PPFIA2: variants seen among roughly 807,000 people sequenced by gnomAD.
PPFIA2 encodes the protein liprin-alpha-2.
PPFIA2 carries 46 observed loss-of-function variants against 175.5 expected under a neutral mutation model. That is an observed-to-expected ratio of 0.26 (90% CI 0.21 to 0.34). PPFIA2 has a LOEUF of 0.34. Ranked by LOEUF, PPFIA2 falls within the 10% of genes least tolerant of loss-of-function variation. The pLI, the probability that PPFIA2 is intolerant of heterozygous loss-of-function variation, is 1.00. For missense variants in PPFIA2, 1,179 were observed against 1,506.1 expected (o/e 0.78, Z 3.60); for synonymous variants, 568 against 511.4 (o/e 1.11, Z -1.49).
chr12:81,674,561 G>A (rs1323797676), intron 4 of PPFIA2, among the ~76,000 whole-genome samples: 3 of 152,042 alleles, frequency 2.0e-5, no homozygotes, highest in Admixed American at 6.6e-5. Flanking sequence ...TCAGCTACTC[G>A]CTAGGCTGAA....
intron 4 of PPFIA2, among the ~76,000 whole-genome samples, chr12:81,542,215 ATGAGACCATGCAAGC>A (rs2066331537): frequency 6.6e-6 from 1 of 152,016 alleles, no homozygotes; most frequent in African/African-American, 2.4e-5. Flanking sequence ...TGAGCAGGCA[ATGAGACCATGCAAGC>A]TGAGACTGGG....
intron 28 of PPFIA2, among the ~76,000 whole-genome samples, chr12:81,276,625 T>C (rs1185455127): frequency 6.6e-6 from 1 of 152,168 alleles, no homozygotes; most frequent in Non-Finnish European, 1.5e-5. Flanking sequence ...AAATTATCCT[T>C]TGTCGGGTAT....
rs576921614 is a variant in PPFIA2, at chr12:81,404,163, C to G, written c.762+1624G>C. Reference sequence around the variant, plus strand: ...TATGAGCATTCCCTGCCCTCCTCCTCCATAAGAAGAACACTTCAAGTATGA... The same window carrying G: ...TATGAGCATTCCCTGCCCTCCTCCTGCATAAGAAGAACACTTCAAGTATGA... On this transcript the variant is annotated intron_variant, in intron 8 of 32. Coordinates refer to ENST00000549396, the MANE Select transcript of PPFIA2 (RefSeq NM_003625.5). 2.2e-4 allele frequency among the ~76,000 whole-genome samples: 34 copies of G among 152,098 alleles called. No homozygotes were observed. In the South Asian group the frequency reaches 3.1e-3, roughly 14 times the overall value.
intron 4 of PPFIA2, among the ~76,000 whole-genome samples, chr12:81,540,043 A>G (rs928818108): frequency 2.0e-5 from 3 of 151,948 alleles, no homozygotes; most frequent in Non-Finnish European, 4.4e-5. Context: ...ACAATGTGGA[A>G]AAACAGAGAG....
intron 26 of PPFIA2, among the ~76,000 whole-genome samples, chr12:81,281,950 T>C (rs1374737023): frequency 6.6e-6 from 1 of 152,044 alleles, no homozygotes; most frequent in Non-Finnish European, 1.5e-5. Flanking sequence ...TGAAGCTTTT[T>C]ATGGACATTG....
At chr12:81,275,987 T>A (rs1220474443) in intron 28 of PPFIA2, among the ~76,000 whole-genome samples, 1 of 152,086 alleles carries the variant, frequency 6.6e-6, no homozygotes, top group Non-Finnish European at 1.5e-5. Flanking sequence ...GGTTTCACCA[T>A]GTTAGCCAGG....
chr12:81,396,951 G>A (rs2041240191), intron 8 of PPFIA2, among the ~76,000 whole-genome samples: 2 of 152,014 alleles, frequency 1.3e-5, no homozygotes, highest in African/African-American at 2.4e-5. Flanking sequence ...GAGGATGTGA[G>A]AGTAATTCCA....
chr12:81,326,176 T>A (rs2054719980), intron 21 of PPFIA2, among the ~76,000 whole-genome samples: 1 of 152,140 alleles, frequency 6.6e-6, no homozygotes, highest in Admixed American at 6.6e-5. Flanking sequence ...AAAGTCTGTT[T>A]TTATACTTTT....
chr12:81,596,829 T>C (rs1037038400), intron 4 of PPFIA2, among the ~76,000 whole-genome samples: 1 of 152,092 alleles, frequency 6.6e-6, no homozygotes, highest in Non-Finnish European at 1.5e-5. Flanking sequence ...ATATATTTTG[T>C]AAAACCACAG....
rs999415544 is a variant in PPFIA2 at position 81,353,374 on chromosome 12, C to T, written c.1774-35G>A. 4 of 1,421,970 alleles carry T rather than the reference C, an allele frequency of 2.8e-6. No individual in the cohort carries two copies. The African/African-American group carries it at 5.6e-5, about 20-fold the overall frequency. The allele number at this position is 1,421,970 out of a possible 1,614,324, so 88.1% of individuals were successfully genotyped here. On this transcript the variant is annotated intron_variant, in intron 16 of 32. Coordinates refer to ENST00000549396, the MANE Select transcript of PPFIA2 (RefSeq NM_003625.5). ...GAATGAAAAAATGCAGAATATTTAT[C>T]ATATTGCTCATTTTCAAAGCATTAA...
chr12:81,616,306 T>C (rs2061420449), intron 4 of PPFIA2, among the ~76,000 whole-genome samples: 1 of 152,144 alleles, frequency 6.6e-6, no homozygotes, highest in Non-Finnish European at 1.5e-5. Context: ...TGAGAGGTCA[T>C]TTTACCTTTT....
chr12:81,621,013 C>T (rs953225246), intron 4 of PPFIA2, among the ~76,000 whole-genome samples: 1 of 152,112 alleles, frequency 6.6e-6, no homozygotes, highest in Non-Finnish European at 1.5e-5. Context: ...AAATTGTCTT[C>T]ATAAAGTTTA....
intron 5 of PPFIA2, among the ~76,000 whole-genome samples, chr12:81,455,257 A>G (rs1465370745): frequency 6.6e-6 from 1 of 152,190 alleles, no homozygotes; most frequent in Non-Finnish European, 1.5e-5. Context: ...CTCTGGATAT[A>G]CTACTTCTGG....
chr12:81,261,832 G>T, intron 32 of PPFIA2, 117 bp downstream of exon 32: 1 of 631,836 alleles, frequency 1.6e-6, no homozygotes, highest in Non-Finnish European at 2.7e-6. Flanking sequence ...ATTCAAAAGG[G>T]TTATCTCATT....
intron 3 of PPFIA2, among the ~76,000 whole-genome samples, chr12:81,742,054 G>T (rs1357423402): frequency 6.6e-6 from 1 of 152,152 alleles, no homozygotes; most frequent in Non-Finnish European, 1.5e-5. Flanking sequence ...TAAGGCAGTT[G>T]AATCCCTGAC....
At chr12:81,533,452 T>A (rs1403953856) in intron 4 of PPFIA2, among the ~76,000 whole-genome samples, 2 of 151,562 alleles carry the variant, frequency 1.3e-5, no homozygotes, top group Non-Finnish European at 3.0e-5. Flanking sequence ...CTCAAATTTA[T>A]GCCAAATTAA....
rs1175507202 is a variant in PPFIA2 at position 81,677,893 on chromosome 12, G to A, written c.250-1049C>T. On this transcript the variant is annotated intron_variant, in intron 3 of 32. Transcript: ENST00000549396. ...CAGCCCTATCAGTTCTAAGGCTTTG[G>A]TTCCAGGGTTACTAATGATTATATG... Among the ~76,000 whole-genome samples the A allele has an allele frequency of 2.0e-5, 3 of 151,770 alleles. No individual in the cohort carries two copies. In the South Asian group the frequency reaches 6.2e-4, roughly 31 times the overall value.
Position 81,374,661 on chromosome 12 carries a change from C to T in PPFIA2, c.1239G>A (p.Leu413=), listed in dbSNP as rs1316035778. 2.5e-6 allele frequency: 4 copies of T among 1,613,010 alleles called. No individual in the cohort carries two copies. Among genetic ancestry groups the T allele is most frequent in the African/African-American group, 1.3e-5 (1 of 74,824 alleles). ...TGGTTAGGGCTGCAATTCTCTGAGC[C>T]AGTTCAGCCTCTACTTCAGGCAAGG... The part of the protein sequence containing the change: ...AETLPEVEAE[L]AQRIAALTKA... The change falls in exon 11 of 33, where the codon CTG becomes CTA. Residue 413 remains leucine (L), a synonymous_variant. Transcript: ENST00000549396.
At chr12:81,661,771 T>G (rs1336580768) in intron 4 of PPFIA2, among the ~76,000 whole-genome samples, 1 of 152,194 alleles carries the variant, frequency 6.6e-6, no homozygotes, top group Admixed American at 6.5e-5. Flanking sequence ...ACACCGCACT[T>G]GTTCCAAAAT....
Sources: gnomAD v4.1 joint callset for allele counts (sites outside exome capture counted in the v4.1 genomes callset) on GRCh38, gnomAD v4.1.1 for gene constraint, MANE v1.5 for transcripts, NCBI Gene and HGNC (gene_info 2026-07-23, HGNC 2026-07-21) for gene names.